The following EZH2 variants were observed in gnomAD, a reference collection of about 807,000 sequenced individuals.
The protein encoded by EZH2 is histone-lysine N-methyltransferase EZH2.
In EZH2, 18 loss-of-function variants were observed where a neutral mutation model predicts 98.4. That is an observed-to-expected ratio of 0.18 (90% CI 0.13 to 0.27). The LOEUF (loss-of-function observed/expected upper bound fraction) is 0.27, where lower values mean the gene tolerates loss of function less well. EZH2 is among the 10% of genes least tolerant of loss of function. The pLI, the probability that EZH2 is intolerant of heterozygous loss-of-function variation, is 1.00. For synonymous variants in EZH2, 338 were observed against 312.3 expected (o/e 1.08, Z -0.87); for missense variants, 470 against 935.1 (o/e 0.50, Z 6.49).
chr7:148,867,832 G>A (rs143950697), intron 1 of EZH2, among the ~76,000 whole-genome samples: 5 of 152,314 alleles, frequency 3.3e-5, no homozygotes, highest in South Asian at 2.1e-4. Context: ...TCTTGAACAC[G>A]TTGCTGCTTT....
intron 8 of EZH2, among the ~76,000 whole-genome samples, chr7:148,826,214 A>G (rs1807657803): frequency 6.6e-6 from 1 of 152,158 alleles, no homozygotes; most frequent in South Asian, 2.1e-4. Context: ...GGGGGAAAAA[A>G]AAAAAAATCA....
chr7:148,828,992 CATT>C, intron 5 of EZH2, 112 bp from the exon 6 acceptor site: 1 of 1,060,188 alleles, frequency 9.4e-7, no homozygotes, highest in Non-Finnish European at 1.4e-6. Flanking sequence ...GGCACTAAAA[CATT>C]ATTATTGAAA....
intron 1 of EZH2, among the ~76,000 whole-genome samples, chr7:148,848,228 T>TAA (rs1022330309): frequency 6.6e-6 from 1 of 152,192 alleles, no homozygotes; most frequent in African/African-American, 2.4e-5. Flanking sequence ...TTTAGTGTTT[T>TAA]AAGTAAAAGG....
rs1725052124 is a variant in EZH2, at chr7:148,815,032, G to A, written c.1554C>T (p.Ser518=). The change falls in exon 14 of 20, where the codon TCC becomes TCT. Residue 518 remains serine (S), a synonymous_variant. Transcript: ENST00000320356. ...GTTGATAGTTGTAAACATGGTTAGA[G>A]GAGCCGTCTGAGTAAAGATAACATC... ...CRKIQLKKDG[S]SNHVYNYQPC... 1 of 1,613,672 alleles carries A rather than the reference G, an allele frequency of 6.2e-7. No homozygotes were observed. Among genetic ancestry groups the A allele is most frequent in the African/African-American group, 1.3e-5 (1 of 74,920 alleles).
intron 1 of EZH2, among the ~76,000 whole-genome samples, chr7:148,865,248 A>AG (rs1296689719): frequency 2.0e-5 from 3 of 152,214 alleles, no homozygotes; most frequent in African/African-American, 7.2e-5. Context: ...AACAAAATGA[A>AG]GGGGTAAGTC....
intron 8 of EZH2, among the ~76,000 whole-genome samples, chr7:148,822,052 G>C (rs374549807): frequency 9.2e-5 from 14 of 152,212 alleles, no homozygotes; most frequent in African/African-American, 3.1e-4. Flanking sequence ...AACTTTGGAA[G>C]TGAGGAGGAG....
chr7:148,857,729 C>T (rs780467551), intron 1 of EZH2, among the ~76,000 whole-genome samples: 37 of 151,300 alleles, frequency 2.4e-4, no homozygotes, highest in Non-Finnish European at 3.5e-4. Context: ...CCAGCCTGGG[C>T]GACAGAGCGA....
At chr7:148,856,790 T>A (rs542769468) in intron 1 of EZH2, among the ~76,000 whole-genome samples, 1 of 152,278 alleles carries the variant, frequency 6.6e-6, no homozygotes, top group East Asian at 1.9e-4. Flanking sequence ...AAATAATTAT[T>A]CATGAGTCTA....
chr7:148,867,379 T>C (rs1818703477), intron 1 of EZH2, among the ~76,000 whole-genome samples: 1 of 152,084 alleles, frequency 6.6e-6, no homozygotes, highest in Non-Finnish European at 1.5e-5. Flanking sequence ...AGATATTCCG[T>C]TATACCAGCA....
At position 148,846,550 on chromosome 7, in the gene EZH2, A is replaced by C; in HGVS notation, c.166T>G (p.Leu56Val). 1.2e-6 allele frequency: 2 copies of C among 1,613,988 alleles called. No individual in the cohort carries two copies. Among genetic ancestry groups the C allele is most frequent in the Non-Finnish European group, 1.7e-6 (2 of 1,179,904 alleles). Residue 56 changes from leucine (L) to valine (V), a missense_variant, in exon 3 of 20, where the codon TTA becomes GTA. This residue lies in a region of EZH2 where 79 missense variants were observed against 122.1 expected (regional missense o/e 0.65). Transcript: ENST00000320356. ...RQKILERTEI[L>V]NQEWKQRRIQ... ...CTTCGCTGTTTCCATTCTTGGTTTA[A>C]GATTTCCGTTCTTTCCAAAATTTTC...
At position 148,809,402 on chromosome 7, in the gene EZH2, AAAGT is replaced by A. The variant is rs1175282956; in HGVS notation, c.2030-16_2030-13del. On this transcript the variant is annotated splice_polypyrimidine_tract_variant and intron_variant, in intron 17 of 19. Transcript: ENST00000320356. ...ATCCACCACAAAATCTAAAAAGAAA[AAAGT>A]AAGCACAGCCCAGTGAATAATTTCA... 5.0e-6 allele frequency: 8 copies of A among 1,593,564 alleles called. No individual in the cohort carries two copies. The highest frequency in any genetic ancestry group is 6.0e-6 in the Non-Finnish European group (7 of 1,162,770).
intron 1 of EZH2, among the ~76,000 whole-genome samples, chr7:148,876,699 A>G (rs139311985): frequency 2.4e-3 from 362 of 152,278 alleles, no homozygotes; most frequent in Middle Eastern, 6.8e-3. Flanking sequence ...CTTACACCAA[A>G]GAGGTACAGC....
intron 6 of EZH2, 103 bp downstream of exon 6, chr7:148,828,633 CAAAG>C (rs930171875): frequency 2.2e-5 from 31 of 1,378,982 alleles, no homozygotes; most frequent in Non-Finnish European, 2.8e-5. Context: ...TGATATTTAA[CAAAG>C]AAAGAAAAAG....
At chr7:148,866,521 T>TATATACATATATATACGC (rs1818489570) in intron 1 of EZH2, among the ~76,000 whole-genome samples, 1 of 103,346 alleles carries the variant, frequency 9.7e-6, no homozygotes, top group African/African-American at 3.7e-5. Flanking sequence ...TATATATGTG[T>TATATACATATATATACGC]ATATACATAT....
intron 1 of EZH2, among the ~76,000 whole-genome samples, chr7:148,853,073 A>C (rs1440712101): frequency 6.6e-6 from 1 of 152,172 alleles, no homozygotes; most frequent in Non-Finnish European, 1.5e-5. Context: ...GAGAGGGTAC[A>C]TGGTTTCAGG....
intron 1 of EZH2, among the ~76,000 whole-genome samples, chr7:148,853,178 A>G (rs1461131977): frequency 1.3e-5 from 2 of 152,280 alleles, no homozygotes; most frequent in African/African-American, 4.8e-5. Flanking sequence ...TTGGGAGGCC[A>G]AGGCAGGCAG....
intron 1 of EZH2, among the ~76,000 whole-genome samples, chr7:148,857,769 A>T (rs1474773931): frequency 6.6e-6 from 1 of 151,310 alleles, no homozygotes; most frequent in African/African-American, 2.5e-5. Flanking sequence ...AAATAAATAA[A>T]TAAATAATTA....
intron 1 of EZH2, among the ~76,000 whole-genome samples, chr7:148,880,268 TA>T (rs548926256): frequency 1.1e-3 from 162 of 152,340 alleles, no homozygotes; most frequent in African/African-American, 3.8e-3. Context: ...TAAATCATTT[TA>T]AAAGAATGAT....
chr7:148,829,526 T>G (rs1004415227), intron 5 of EZH2, among the ~76,000 whole-genome samples: 1 of 152,230 alleles, frequency 6.6e-6, no homozygotes, highest in African/African-American at 2.4e-5. Flanking sequence ...GTGGCAAACA[T>G]GATCCTCCTA....
Sources: gnomAD v4.1 joint callset for allele counts (sites outside exome capture counted in the v4.1 genomes callset) on GRCh38, gnomAD v4.1.1 for gene constraint, gnomAD v4.1.1 regional missense constraint, MANE v1.5 for transcripts, NCBI Gene and HGNC (gene_info 2026-07-23, HGNC 2026-07-21) for gene names.